Variants in STK32B observed in about 807,000 individuals in gnomAD.
STK32B encodes the protein serine/threonine-protein kinase 32B.
Under a neutral mutation model 52.6 loss-of-function variants are expected in STK32B, and 43 were observed. The ratio of observed to expected loss-of-function variants is 0.82; its 90% confidence interval spans 0.64 to 1.05. The LOEUF (loss-of-function observed/expected upper bound fraction) is 1.05, where lower values mean the gene tolerates loss of function less well. Among genes scored for constraint, STK32B ranks in the 50% least tolerant of loss-of-function variants. The pLI is 0.00. For missense variants in STK32B, 621 were observed against 534.6 expected (o/e 1.16, Z -1.59); for synonymous variants, 238 against 204.3 (o/e 1.17, Z -1.41).
intron 1 of STK32B, among the ~76,000 whole-genome samples, chr4:5,135,101 C>T (rs893580895): frequency 2.6e-5 from 4 of 152,178 alleles, no homozygotes; most frequent in African/African-American, 7.2e-5. Context: ...ATTTATCAGT[C>T]GTGGAATATT....
chr4:5,434,558 T>C (rs533852074), intron 6 of STK32B, among the ~76,000 whole-genome samples: 2 of 152,012 alleles, frequency 1.3e-5, no homozygotes, highest in African/African-American at 4.8e-5. Flanking sequence ...TAGGTTGTCA[T>C]CATTCTGGTT....
intron 3 of STK32B, among the ~76,000 whole-genome samples, chr4:5,208,733 G>A (rs1203281888): frequency 1.3e-5 from 2 of 152,098 alleles, no homozygotes; most frequent in Non-Finnish European, 2.9e-5. Flanking sequence ...GATATTCTGG[G>A]TAGGGAAGAA....
the STK32B span, among the ~76,000 whole-genome samples, chr4:5,022,521 G>C: frequency 6.6e-6 from 1 of 152,166 alleles, no homozygotes; most frequent in Admixed American, 6.5e-5. Context: ...CCCTTCTGAG[G>C]CTCCTTCAGC....
At chr4:5,424,316 G>A (rs1269174256) in intron 6 of STK32B, among the ~76,000 whole-genome samples, 2 of 152,160 alleles carry the variant, frequency 1.3e-5, no homozygotes, top group African/African-American at 4.8e-5. Context: ...CTACTAGGTG[G>A]AAATGAGTGG....
intron 5 of STK32B, among the ~76,000 whole-genome samples, chr4:5,414,049 C>A (rs892740707): frequency 1.3e-5 from 2 of 152,062 alleles, no homozygotes; most frequent in African/African-American, 2.4e-5. Context: ...ACAAGACAAA[C>A]AATTAAGCAA....
At chr4:5,276,727 T>C (rs1219898106) in intron 3 of STK32B, among the ~76,000 whole-genome samples, 1 of 152,126 alleles carries the variant, frequency 6.6e-6, no homozygotes, top group Non-Finnish European at 1.5e-5. Flanking sequence ...ATTTTTACAA[T>C]AGTCATATTA....
intron 4 of STK32B, among the ~76,000 whole-genome samples, chr4:5,393,692 C>A (rs1437236686): frequency 6.6e-6 from 1 of 152,126 alleles, no homozygotes; most frequent in Non-Finnish European, 1.5e-5. Flanking sequence ...CTAAACCATT[C>A]AGGAGAAACC....
At chr4:5,098,319 C>G (rs770158566) in intron 1 of STK32B, among the ~76,000 whole-genome samples, 18 of 152,344 alleles carry the variant, frequency 1.2e-4, no homozygotes, top group South Asian at 2.1e-4. Flanking sequence ...ATGTATTATT[C>G]ATGTAACAGG....
At chr4:5,495,535 C>G (rs1030990195) in intron 11 of STK32B, among the ~76,000 whole-genome samples, 1 of 152,186 alleles carries the variant, frequency 6.6e-6, no homozygotes, top group African/African-American at 2.4e-5. Context: ...CCTCCTGTAG[C>G]TCGCAGTAGC....
At chr4:5,455,970 T>C (rs1716477074) in intron 7 of STK32B, among the ~76,000 whole-genome samples, 1 of 152,052 alleles carries the variant, frequency 6.6e-6, no homozygotes, top group African/African-American at 2.4e-5. Flanking sequence ...TCCCAAGACA[T>C]GTGGCCATGA....
chr4:5,198,195 C>T lies in STK32B; in HGVS notation c.260+29745C>T, dbSNP rs142612369. Among the ~76,000 whole-genome samples, 1,075 of 152,282 alleles carry T rather than the reference C, an allele frequency of 7.1e-3. 9 individuals carry two copies. Among genetic ancestry groups the T allele is most frequent in the Non-Finnish European group, 0.012 (786 of 68,034 alleles). On this transcript the variant is annotated intron_variant, in intron 3 of 11. Transcript: ENST00000282908. ...TATTATTATGATGAGCAAACTTTGT[C>T]TGCATCCCTGATTATCTGCATAGAA... is the stretch of plus-strand genomic sequence containing the variant.
chr4:5,062,653 C>A (rs531360203), intron 1 of STK32B, among the ~76,000 whole-genome samples: 1 of 152,162 alleles, frequency 6.6e-6, no homozygotes, highest in East Asian at 1.9e-4. Flanking sequence ...GGACTACAGG[C>A]ACCTGCCACC....
chr4:5,192,790 G>C (rs747827989), intron 3 of STK32B, among the ~76,000 whole-genome samples: 3 of 152,088 alleles, frequency 2.0e-5, no homozygotes, highest in Admixed American at 2.0e-4. Context: ...CTTACCAGCT[G>C]TTGTCACCAT....
chr4:5,156,782 A>G (rs890964944), intron 2 of STK32B, among the ~76,000 whole-genome samples: 4 of 152,186 alleles, frequency 2.6e-5, no homozygotes, highest in Admixed American at 6.5e-5. Context: ...GCACAGTGTT[A>G]TATGATAATA....
intron 3 of STK32B, among the ~76,000 whole-genome samples, chr4:5,187,768 G>T (rs940058053): frequency 6.6e-6 from 1 of 152,140 alleles, no homozygotes; most frequent in Admixed American, 6.5e-5. Context: ...AGTATAAGCC[G>T]GCTCCCGCAC....
At chr4:5,023,497 A>G in the STK32B span, among the ~76,000 whole-genome samples, 1 of 152,278 alleles carries the variant, frequency 6.6e-6, no homozygotes, top group East Asian at 1.9e-4. Flanking sequence ...AATTCTTCCC[A>G]GGGTGGAGAT....
At chr4:5,262,869 T>A (rs28408444) in intron 3 of STK32B, among the ~76,000 whole-genome samples, 1 of 151,920 alleles carries the variant, frequency 6.6e-6, no homozygotes, top group African/African-American at 2.4e-5. Flanking sequence ...TTTGCTATTT[T>A]ATATGTATTT....
chr4:5,051,050 A>T (rs73200903), upstream of STK32B, among the ~76,000 whole-genome samples: 1 of 152,036 alleles, frequency 6.6e-6, no homozygotes, highest in Non-Finnish European at 1.5e-5. Flanking sequence ...ACACTGAGAA[A>T]AACCTTAAGA....
intron 4 of STK32B, among the ~76,000 whole-genome samples, 189 bp downstream of exon 4, chr4:5,331,582 C>T (rs1197144874): frequency 1.3e-5 from 2 of 152,170 alleles, no homozygotes; most frequent in Non-Finnish European, 2.9e-5. Flanking sequence ...CTACATCTCC[C>T]ATCCTATACC....
Sources: gnomAD v4.1 joint callset for allele counts (sites outside exome capture counted in the v4.1 genomes callset) on GRCh38, gnomAD v4.1.1 for gene constraint, MANE v1.5 for transcripts, NCBI Gene and HGNC (gene_info 2026-07-23, HGNC 2026-07-21) for gene names.